SYT9: variants seen among roughly 807,000 people sequenced by gnomAD.
The protein encoded by SYT9 is synaptotagmin 9.
Under a neutral mutation model 48.4 loss-of-function variants are expected in SYT9, and 22 were observed. The observed-to-expected ratio is 0.45, with a 90% CI of 0.32 to 0.65. The LOEUF is 0.65. Ranked by LOEUF, SYT9 falls within the 30% of genes least tolerant of loss-of-function variation. The pLI, the probability that SYT9 is intolerant of heterozygous loss-of-function variation, is 0.03. For missense variants in SYT9, 577 were observed against 622.0 expected (o/e 0.93, Z 0.77); for synonymous variants, 265 against 245.0 (o/e 1.08, Z -0.76).
chr11:7,395,519 TC>T (rs1846735353), intron 3 of SYT9, among the ~76,000 whole-genome samples: 2 of 152,116 alleles, frequency 1.3e-5, no homozygotes, highest in Admixed American at 1.3e-4. Flanking sequence ...TGTTTATGAA[TC>T]CCAATGTGGG....
chr11:7,384,393 A>G (rs1489946836), intron 3 of SYT9, among the ~76,000 whole-genome samples: 1 of 152,200 alleles, frequency 6.6e-6, no homozygotes, highest in African/African-American at 2.4e-5. Flanking sequence ...CCCATAGTCC[A>G]GTACTTCTCC....
At chr11:7,436,620 T>TTTG (rs1847716324) in intron 6 of SYT9, among the ~76,000 whole-genome samples, 1 of 152,148 alleles carries the variant, frequency 6.6e-6, no homozygotes, top group Non-Finnish European at 1.5e-5. Flanking sequence ...CAGTTGGTTT[T>TTTG]TTTGTTTGTT....
intron 3 of SYT9, among the ~76,000 whole-genome samples, chr11:7,399,345 A>G (rs1006201288): frequency 6.6e-6 from 1 of 152,212 alleles, no homozygotes; most frequent in South Asian, 2.1e-4. Flanking sequence ...GGAGATCTCA[A>G]TCATGTATTG....
intron 1 of SYT9, among the ~76,000 whole-genome samples, chr11:7,292,687 C>T (rs1348082378): frequency 6.6e-6 from 1 of 152,240 alleles, no homozygotes; most frequent in African/African-American, 2.4e-5. Context: ...TGGTCTAAAA[C>T]TCTGCACATC....
chr11:7,334,135 CAG>C (rs1277991514), intron 3 of SYT9, among the ~76,000 whole-genome samples: 3 of 152,070 alleles, frequency 2.0e-5, no homozygotes, highest in East Asian at 3.9e-4. Flanking sequence ...GGCCCCAAGA[CAG>C]GAACAGTTTT....
At chr11:7,454,004 A>C (rs1339084175) in intron 6 of SYT9, 1 of 985,400 alleles carries the variant, frequency 1.0e-6, no homozygotes, top group African/African-American at 1.7e-5. Flanking sequence ...TTGACAGGCC[A>C]GAGGCTCCCA....
At chr11:7,240,889 TC>T (rs1847733232) in intron 1 of SYT9, among the ~76,000 whole-genome samples, 1 of 152,140 alleles carries the variant, frequency 6.6e-6, no homozygotes, top group Admixed American at 6.6e-5. Context: ...TGATGGGTTT[TC>T]CTTCCTTTCA....
intron 3 of SYT9, among the ~76,000 whole-genome samples, chr11:7,411,687 G>A (rs947437269): frequency 1.3e-5 from 2 of 152,034 alleles, no homozygotes; most frequent in African/African-American, 4.8e-5. Flanking sequence ...ACTATAATAC[G>A]CTGCAGAGAA....
chr11:7,265,366 A>G (rs1219367002), intron 1 of SYT9, among the ~76,000 whole-genome samples: 2 of 152,136 alleles, frequency 1.3e-5, no homozygotes, highest in Non-Finnish European at 2.9e-5. Flanking sequence ...GCCCCTTGCA[A>G]CTCAAAGATT....
intron 1 of SYT9, among the ~76,000 whole-genome samples, chr11:7,242,511 T>G (rs1279529809): frequency 6.6e-6 from 1 of 152,224 alleles, no homozygotes; most frequent in African/African-American, 2.4e-5. Context: ...AGCTAATATA[T>G]TTAGGGCATT....
At chr11:7,454,758 A>G (rs11041390) in intron 6 of SYT9, among the ~76,000 whole-genome samples, 48,587 of 152,040 alleles carry the variant, frequency 0.32, 8,577 homozygotes, top group African/African-American at 0.46. Context: ...CAGCACCCCA[A>G]CACACTGTCT....
chr11:7,328,790 C>A (rs1259206363), intron 3 of SYT9, among the ~76,000 whole-genome samples: 3 of 152,012 alleles, frequency 2.0e-5, no homozygotes, highest in African/African-American at 7.2e-5. Flanking sequence ...TTGATGTTAG[C>A]CCTCTCAGTT....
At chr11:7,249,696 C>G (rs1276679375), upstream of SYT9, among the ~76,000 whole-genome samples, 1 of 152,144 alleles carries the variant, frequency 6.6e-6, no homozygotes, top group Non-Finnish European at 1.5e-5. Flanking sequence ...ATTACAAGCA[C>G]TTAAATATAT....
rs1847479127 is a variant in SYT9 at position 7,427,294 on chromosome 11, C to T, written c.1467+6659C>T. 4 of 152,168 alleles carry T rather than the reference C, an allele frequency of 2.6e-5. 1 individual carries two copies. In the South Asian group the frequency reaches 8.3e-4, roughly 32 times the overall value. 9.4% of individuals were successfully genotyped at this position (152,168 alleles called of 1,614,324 possible). ...AAGCTCCAAGTTTTAATTACCTTTT[C>T]TCTATTTAGGAGAAGAACATGAAAA... On this transcript the variant is annotated intron_variant, in intron 6 of 6. Transcript: ENST00000318881.
At chr11:7,353,411 G>A (rs968550726) in intron 3 of SYT9, among the ~76,000 whole-genome samples, 6 of 152,186 alleles carry the variant, frequency 3.9e-5, no homozygotes, top group African/African-American at 1.4e-4. Context: ...CCAGTGGGCA[G>A]CAGCTTCCCC....
chr11:7,390,377 A>AT (rs931607150), intron 3 of SYT9, among the ~76,000 whole-genome samples: 1 of 152,114 alleles, frequency 6.6e-6, no homozygotes, highest in African/African-American at 2.4e-5. Context: ...ACTCACTGGA[A>AT]TTTTTTAGAA....
At chr11:7,339,008 T>C (rs1225053686) in intron 3 of SYT9, among the ~76,000 whole-genome samples, 1 of 152,218 alleles carries the variant, frequency 6.6e-6, no homozygotes, top group Non-Finnish European at 1.5e-5. Flanking sequence ...AGAATTTGCT[T>C]TATGAATCTG....
At chr11:7,304,259 C>G (rs142852583) in intron 2 of SYT9, among the ~76,000 whole-genome samples, 494 of 152,300 alleles carry the variant, frequency 3.2e-3, no homozygotes, top group Non-Finnish European at 5.1e-3. Flanking sequence ...GTTAGTATTG[C>G]TATTATGGCC....
At chr11:7,266,519 C>T (rs543782111) in intron 1 of SYT9, among the ~76,000 whole-genome samples, 1 of 152,210 alleles carries the variant, frequency 6.6e-6, no homozygotes, top group East Asian at 1.9e-4. Context: ...ATCTAATCCC[C>T]ACAGGTTCAG....
Sources: allele counts gnomAD v4.1 joint callset (sites outside exome capture counted in the v4.1 genomes callset), GRCh38; gene constraint gnomAD v4.1.1; transcripts MANE v1.5; gene names NCBI Gene and HGNC (gene_info 2026-07-23, HGNC 2026-07-21).